Variants in TAF3 observed in about 807,000 individuals in gnomAD.
The protein encoded by TAF3 is transcription initiation factor TFIID subunit 3.
In TAF3, 7 loss-of-function variants were observed where a neutral mutation model predicts 80.6. That is an observed-to-expected ratio of 0.09 (90% CI 0.05 to 0.16). The LOEUF is 0.16. Among genes scored for constraint, TAF3 ranks in the 10% least tolerant of loss-of-function variants. The pLI, the probability that TAF3 is intolerant of heterozygous loss-of-function variation, is 1.00. For synonymous variants in TAF3, 444 were observed against 446.1 expected (o/e 1.00, Z 0.06); for missense variants, 921 against 1,140.2 (o/e 0.81, Z 2.77).
chr10:8,007,892 C>T (rs970009739), intron 4 of TAF3, among the ~76,000 whole-genome samples: 6 of 151,772 alleles, frequency 4.0e-5, no homozygotes, highest in African/African-American at 9.7e-5. Flanking sequence ...TAGTCTCTGG[C>T]GGCTGTAGAA....
Position 8,009,271 on chromosome 10 carries a change from G to A in TAF3, c.2509G>A (p.Gly837Arg), listed in dbSNP as rs1328706022. 3 of 1,570,736 alleles carry A rather than the reference G, an allele frequency of 1.9e-6. No individual in the cohort carries two copies. Among genetic ancestry groups the A allele is most frequent in the African/African-American group, 1.4e-5 (1 of 71,286 alleles). ...LLPSPGPAAS[G>R]ASAKAPVRSV... ...GCCCTCCCCGGGTCCCGCCGCCTCC[G>A]GGGCCAGTGCCAAAGCCCCCGTGCG... is the stretch of plus-strand genomic sequence containing the variant. The change falls in exon 5 of 7, where the codon GGG (glycine) becomes AGG (arginine). Residue 837 changes from glycine to arginine, a missense_variant. Around this residue, in one of 6 missense-constraint regions of TAF3, gnomAD observed 27 missense variants for 42.5 expected, o/e 0.64. Transcript: ENST00000344293. This position sits in a 1 kb window ranked among gnomAD's most constrained non-coding sequence, Gnocchi z 4.1.
chr10:7,980,170 G>A (rs1266191823), intron 4 of TAF3, among the ~76,000 whole-genome samples: 2 of 152,130 alleles, frequency 1.3e-5, no homozygotes, highest in African/African-American at 2.4e-5. Context: ...TCAAAAGGGG[G>A]AGTTTGAATA....
intron 2 of TAF3, among the ~76,000 whole-genome samples, chr10:7,930,491 A>G (rs1162206864): frequency 6.6e-6 from 1 of 152,196 alleles, no homozygotes; most frequent in Non-Finnish European, 1.5e-5. Context: ...AGGTAAATGT[A>G]TATGTTCAGT....
chr10:7,892,559 A>G (rs1160415984), intron 2 of TAF3, among the ~76,000 whole-genome samples: 5 of 152,236 alleles, frequency 3.3e-5, no homozygotes, highest in South Asian at 2.1e-4. Context: ...ATATATTAAC[A>G]TAGTAAATCT....
intron 2 of TAF3, among the ~76,000 whole-genome samples, chr10:7,862,764 T>C (rs374439130): frequency 6.6e-6 from 1 of 152,242 alleles, no homozygotes; most frequent in Non-Finnish European, 1.5e-5. Flanking sequence ...GAATTTTATA[T>C]AAGTGAAATC....
intron 2 of TAF3, among the ~76,000 whole-genome samples, chr10:7,832,574 C>T (rs915171212): frequency 1.3e-5 from 2 of 152,060 alleles, no homozygotes; most frequent in African/African-American, 2.4e-5. Flanking sequence ...GAGACAGTCT[C>T]GCACTGTCAC....
At chr10:7,903,655 G>C (rs1837580794) in intron 2 of TAF3, among the ~76,000 whole-genome samples, 1 of 152,182 alleles carries the variant, frequency 6.6e-6, no homozygotes, top group African/African-American at 2.4e-5. Context: ...TGAAAAATTA[G>C]AATTATAGAA....
intron 2 of TAF3, among the ~76,000 whole-genome samples, chr10:7,925,671 T>C (rs10905254): frequency 0.55 from 82,509 of 151,358 alleles, 23,764 homozygotes; most frequent in East Asian, 0.72. Flanking sequence ...CATGATGGTG[T>C]GCCTGTATTC....
intron 2 of TAF3, among the ~76,000 whole-genome samples, chr10:7,947,003 C>A (rs1035049875): frequency 1.8e-4 from 27 of 152,136 alleles, no homozygotes; most frequent in African/African-American, 6.0e-4. Flanking sequence ...CTTAAGAGAT[C>A]CTCTCACCTC....
chr10:7,881,298 T>C (rs1263798617), intron 2 of TAF3, among the ~76,000 whole-genome samples: 2 of 151,808 alleles, frequency 1.3e-5, no homozygotes, highest in Non-Finnish European at 2.9e-5. Context: ...TTTCCCACCA[T>C]GTGTCGCAAT....
intron 4 of TAF3, among the ~76,000 whole-genome samples, chr10:7,993,115 T>A (rs1342309600): frequency 6.6e-6 from 1 of 152,194 alleles, no homozygotes; most frequent in Non-Finnish European, 1.5e-5. Context: ...AAACCAGACT[T>A]ATATCTCATA....
rs749819289 is a variant in TAF3 at position 7,883,915 on chromosome 10, ACT to A, written c.409+59359_409+59360del. On this transcript the variant is annotated intron_variant, in intron 2 of 6. Transcript: ENST00000344293. ...GCCTTCTTGCTGGCGGGGAGAGGGGACTCTCAGAGTCACCAGGCAACGCAGGG... is the reference window on the plus strand; with the variant it reads ...GCCTTCTTGCTGGCGGGGAGAGGGGACTCAGAGTCACCAGGCAACGCAGGG... Among the ~76,000 whole-genome samples the A allele has an allele frequency of 4.7e-4, 71 of 151,916 alleles. 2 individuals are homozygous for A. Among genetic ancestry groups the A allele is most frequent in the Non-Finnish European group, 1.3e-4 (9 of 67,942 alleles).
At chr10:7,819,014 C>T in intron 1 of TAF3, 139 bp downstream of exon 1, 1 of 874,312 alleles carries the variant, frequency 1.1e-6, no homozygotes. Context: ...CCTCCCACGT[C>T]CCTGGGCTTC....
chr10:7,832,787 T>G (rs538707285), intron 2 of TAF3, among the ~76,000 whole-genome samples: 51 of 152,302 alleles, frequency 3.3e-4, no homozygotes, highest in Admixed American at 6.5e-4. Flanking sequence ...TGGCCTCAAG[T>G]GATCTGCCCA....
chr10:7,918,935 G>A lies in TAF3; in HGVS notation c.410-44985G>A, dbSNP rs182813415. On this transcript the variant is annotated intron_variant, in intron 2 of 6. Coordinates refer to ENST00000344293, the MANE Select transcript of TAF3 (RefSeq NM_031923.4). ...GCAAGGAGGCACTCACCTCACCTCCGGACAGCTTGCTGCGTGGTATACAGA... is the reference window on the plus strand; with the variant it reads ...GCAAGGAGGCACTCACCTCACCTCCAGACAGCTTGCTGCGTGGTATACAGA... Among the ~76,000 whole-genome samples the A allele has an allele frequency of 3.7e-4, 57 of 152,252 alleles. 1 individual carries two copies. Among genetic ancestry groups the A allele is most frequent in the Admixed American group, 2.4e-3 (36 of 15,296 alleles).
chr10:7,883,431 T>A (rs751513979), intron 2 of TAF3, among the ~76,000 whole-genome samples: 23 of 152,240 alleles, frequency 1.5e-4, no homozygotes, highest in Non-Finnish European at 3.2e-4. Flanking sequence ...TGATACTGAT[T>A]TGATGGTAAT....
At chr10:8,012,774 C>T (rs573744255) in intron 5 of TAF3, among the ~76,000 whole-genome samples, 28 of 152,280 alleles carry the variant, frequency 1.8e-4, no homozygotes, top group Non-Finnish European at 3.5e-4. Flanking sequence ...ATATGGACCC[C>T]CAATGCACCT....
intron 2 of TAF3, among the ~76,000 whole-genome samples, chr10:7,934,000 A>G (rs111268895): frequency 5.3e-4 from 81 of 152,328 alleles, no homozygotes; most frequent in Admixed American, 1.4e-3. Flanking sequence ...ATGAGTGTCA[A>G]TGGCTTGTAG....
At chr10:7,995,279 G>C (rs1471051380) in intron 4 of TAF3, among the ~76,000 whole-genome samples, 1 of 152,064 alleles carries the variant, frequency 6.6e-6, no homozygotes, top group Non-Finnish European at 1.5e-5. Flanking sequence ...ATTTCATCTA[G>C]TTTTGATTCA....
Sources: gnomAD v4.1 joint callset for allele counts (sites outside exome capture counted in the v4.1 genomes callset) on GRCh38, gnomAD v4.1.1 for gene constraint, gnomAD v4.1.1 regional missense constraint, Gnocchi (gnomAD v3.1) non-coding constraint, MANE v1.5 for transcripts, NCBI Gene and HGNC (gene_info 2026-07-23, HGNC 2026-07-21) for gene names.